The following ITGA8 variants were observed in gnomAD, a reference collection of about 807,000 sequenced individuals.
The protein encoded by ITGA8 is integrin alpha-8.
ITGA8 carries 91 observed loss-of-function variants against 142.3 expected under a neutral mutation model. The observed-to-expected ratio is 0.64, with a 90% CI of 0.54 to 0.76. The LOEUF (loss-of-function observed/expected upper bound fraction) is 0.76. ITGA8 is among the 30% of genes least tolerant of loss of function. ITGA8 has a pLI of 0.00. For synonymous variants in ITGA8, 505 were observed against 485.2 expected, an observed-to-expected ratio of 1.04 and a Z score of -0.54; for missense variants, 1,406 against 1,327.7, an observed-to-expected ratio of 1.06 and a Z score of -0.92.
intron 28 of ITGA8, among the ~76,000 whole-genome samples, chr10:15,522,468 T>G (rs1331561568): frequency 6.6e-6 from 1 of 152,182 alleles, no homozygotes; most frequent in East Asian, 1.9e-4. Context: ...TTCAGAATTT[T>G]GGAACTGAAG....
chr10:15,597,217 G>A lies in ITGA8; in HGVS notation c.2201C>T (p.Ser734Phe). 6.2e-7 allele frequency: 1 copy of A among 1,612,718 alleles called. No individual in the cohort carries two copies. Among genetic ancestry groups the A allele is most frequent in the Non-Finnish European group, 8.5e-7 (1 of 1,178,766 alleles). Residue 734 changes from serine to phenylalanine, a missense_variant, in exon 21 of 30, where the codon TCT (serine) becomes TTT (phenylalanine). Physicochemically the swap from Ser to Phe is radical, Grantham distance 155 (BLOSUM62 -2). Transcript: ENST00000378076. ...CTGGTTCTCTCTTACATTTGTTCCAGACACCATAGGGTTCCCAAGGTCACA... is the reference window on the plus strand; with the variant it reads ...CTGGTTCTCTCTTACATTTGTTCCAAACACCATAGGGTTCCCAAGGTCACA... ...VVCDLGNPMV[S>F]GTNYSLGLRF...
intron 28 of ITGA8, among the ~76,000 whole-genome samples, chr10:15,525,444 A>C (rs1588624083): frequency 6.6e-6 from 1 of 151,972 alleles, no homozygotes; most frequent in Non-Finnish European, 1.5e-5. Context: ...GGAATTCAAG[A>C]CCAGCCTGGC....
At chr10:15,691,869 G>A (rs1428442861) in intron 2 of ITGA8, among the ~76,000 whole-genome samples, 1 of 152,154 alleles carries the variant, frequency 6.6e-6, no homozygotes, top group Non-Finnish European at 1.5e-5. Flanking sequence ...TAATGAATAT[G>A]TTTATTAGCT....
At chr10:15,535,431 C>T (rs1833409614) in intron 27 of ITGA8, among the ~76,000 whole-genome samples, 1 of 152,204 alleles carries the variant, frequency 6.6e-6, no homozygotes. Context: ...ACCTTTATGT[C>T]TAGCTAGGGG....
intron 23 of ITGA8, among the ~76,000 whole-genome samples, chr10:15,577,948 T>G (rs1834330821): frequency 6.6e-6 from 1 of 152,160 alleles, no homozygotes; most frequent in African/African-American, 2.4e-5. Flanking sequence ...GGAATTAGTT[T>G]TTTTAAAATT....
At chr10:15,684,198 A>G (rs1834794914) in intron 3 of ITGA8, 71 bp from the exon 4 acceptor site, 4 of 1,493,674 alleles carry the variant, frequency 2.7e-6, no homozygotes, top group East Asian at 2.3e-5. Context: ...TATTTGAATT[A>G]TTGGTATAAC....
Position 15,537,981 on chromosome 10 carries a change from A to C in ITGA8, c.2881-6830T>G, listed in dbSNP as rs182975968. 2.6e-3 allele frequency among the ~76,000 whole-genome samples: 389 copies of C among 151,654 alleles called. 2 individuals are homozygous for C. The highest frequency in any genetic ancestry group is 0.011 in the South Asian group (53 of 4,800). The stretch of plus-strand genomic sequence containing the variant: ...AAAAACAAAACAAAACAAAAAAAAA[A>C]CACAAAAATTAGCCAGGTCTGGTGG... On this transcript the variant is annotated intron_variant, in intron 27 of 29. Coordinates refer to ENST00000378076, the MANE Select transcript of ITGA8 (RefSeq NM_003638.3).
intron 2 of ITGA8, among the ~76,000 whole-genome samples, chr10:15,689,254 C>G (rs1370475877): frequency 1.3e-5 from 2 of 152,164 alleles, no homozygotes; most frequent in African/African-American, 4.8e-5. Flanking sequence ...AACACTTGCT[C>G]CCTTACAAAA....
chr10:15,666,061 A>T lies in ITGA8; in HGVS notation c.848-5139T>A, dbSNP rs550305913. Among the ~76,000 whole-genome samples the T allele has an allele frequency of 2.8e-3, 419 of 152,342 alleles. 3 individuals are homozygous for T. The highest frequency in any genetic ancestry group is 9.9e-3 in the African/African-American group (411 of 41,588). On this transcript the variant is annotated intron_variant, in intron 8 of 29. Transcript: ENST00000378076. ...TTTTTCCAATTCTGTGAAGAAAGTC[A>T]TTGGTAGCTTGATGGGGATGGCATT... is the stretch of plus-strand genomic sequence containing the variant.
At chr10:15,528,389 A>G (rs1833218542) in intron 28 of ITGA8, among the ~76,000 whole-genome samples, 1 of 152,212 alleles carries the variant, frequency 6.6e-6, no homozygotes, top group South Asian at 2.1e-4. Flanking sequence ...TTGCACTGGC[A>G]AGGTCTTCTC....
intron 26 of ITGA8, among the ~76,000 whole-genome samples, chr10:15,553,302 G>GTTTTTTTTTTTTTTTTTTTTTTT (rs5783451): frequency 7.6e-6 from 1 of 131,140 alleles, no homozygotes; most frequent in Non-Finnish European, 1.7e-5. Flanking sequence ...AGTTGCCATA[G>GTTTTTTTTTTTTTTTTTTTTTTT]TTTTTTTTTT....
chr10:15,683,977 C>G, intron 4 of ITGA8, 27 bp downstream of exon 4: 4 of 1,613,380 alleles, frequency 2.5e-6, no homozygotes, highest in Non-Finnish European at 3.4e-6. Flanking sequence ...GAGCTAATGT[C>G]AGTTTCAAGG....
intron 26 of ITGA8, among the ~76,000 whole-genome samples, chr10:15,553,114 G>A (rs149080016): frequency 0.01 from 1,533 of 152,120 alleles, 26 homozygotes; most frequent in African/African-American, 0.036. Flanking sequence ...AAAATTAGCC[G>A]GGCATGGTGG....
intron 13 of ITGA8, among the ~76,000 whole-genome samples, chr10:15,623,128 A>T (rs1342203686): frequency 1.4e-5 from 2 of 143,564 alleles, no homozygotes; most frequent in Non-Finnish European, 3.1e-5. Flanking sequence ...GTAAAGATAG[A>T]TCAAAGAAAA....
chr10:15,613,519 C>T (rs1833338348), intron 15 of ITGA8, 141 bp downstream of exon 15: 5 of 689,676 alleles, frequency 7.2e-6, no homozygotes, highest in South Asian at 7.0e-5. Context: ...CCAGCAGCAG[C>T]AGCATCTCTT....
In ITGA8 at chr10:15,558,142, G is replaced by T. The variant is rs961624156; in HGVS notation, c.2698C>A (p.Pro900Thr). 3.7e-6 allele frequency: 6 copies of T among 1,614,088 alleles called. 1 individual carries two copies. The Admixed American group carries it at 8.3e-5, about 22-fold the overall frequency. ...ACATCCCTCTTCCTGACAAGATGAG[G>T]AATAGTAGAGTTTCGCAAAAAGGCG... ...LSAFLRNSTIPHLVRKRDVHV... is the reference protein window; with the variant it reads ...LSAFLRNSTITHLVRKRDVHV... The change falls in exon 26 of 30, where the codon CCT (proline) becomes ACT (threonine). Residue 900 changes from proline to threonine, a missense_variant. Physicochemically the swap from Pro to Thr is conservative, Grantham distance 38 (BLOSUM62 -1). Transcript: ENST00000378076.
In ITGA8 at chr10:15,613,740, G is replaced by A. The variant is rs1465298957; in HGVS notation, c.1473C>T (p.Ala491=). The A allele has an allele frequency of 1.2e-6, 2 of 1,613,988 alleles. No individual in the cohort carries two copies. Among genetic ancestry groups the A allele is most frequent in the Admixed American group, 1.7e-5 (1 of 60,004 alleles). ...YRARPVVTVD[A]QLLLHPMIIN... Reference sequence around the variant, plus strand: ...TAATCATTGGGTGCAGCAGAAGCTGGGCATCTACAGTCACAACCGGTCTTG... The same window carrying A: ...TAATCATTGGGTGCAGCAGAAGCTGAGCATCTACAGTCACAACCGGTCTTG... Residue 491 remains alanine, a synonymous_variant, in exon 15 of 30, where the codon GCC becomes GCT. Coordinates refer to ENST00000378076, the MANE Select transcript of ITGA8 (RefSeq NM_003638.3).
At position 15,707,015 on chromosome 10, in the gene ITGA8, C is replaced by T. The variant is rs980540534; in HGVS notation, c.343+11751G>A. On this transcript the variant is annotated intron_variant, in intron 2 of 29. Coordinates refer to ENST00000378076, the MANE Select transcript of ITGA8 (RefSeq NM_003638.3). ...CACTCCTACAACCTAGAACATGTCT[C>T]CCTTGGATACCACCTGGCTCCTTTC... Among the ~76,000 whole-genome samples the T allele has an allele frequency of 2.6e-5, 4 of 152,304 alleles. No individual in the cohort carries two copies. The East Asian group carries it at 7.7e-4, about 29-fold the overall frequency.
chr10:15,618,712 C>G (rs1354575617), intron 13 of ITGA8, among the ~76,000 whole-genome samples: 1 of 152,186 alleles, frequency 6.6e-6, no homozygotes, highest in Non-Finnish European at 1.5e-5. Context: ...TGGACTCCAT[C>G]TTTCTCCCAT....
Sources: allele counts gnomAD v4.1 joint callset (sites outside exome capture counted in the v4.1 genomes callset), GRCh38; gene constraint gnomAD v4.1.1; transcripts MANE v1.5; gene names NCBI Gene and HGNC (gene_info 2026-07-23, HGNC 2026-07-21).